The following KCNQ1 variants were observed in gnomAD, a reference collection of about 807,000 sequenced individuals.
KCNQ1 encodes the protein potassium voltage-gated channel subfamily KQT member 1.
KCNQ1 carries 49 observed loss-of-function variants against 72.4 expected under a neutral mutation model. The observed-to-expected ratio is 0.68, with a 90% CI of 0.54 to 0.86. The LOEUF is 0.86. Among genes scored for constraint, KCNQ1 ranks in the 40% least tolerant of loss-of-function variants. The pLI is 0.00. For synonymous variants in KCNQ1, 450 were observed against 412.6 expected (o/e 1.09, Z -1.10); for missense variants, 790 against 945.1 (o/e 0.84, Z 2.15).
chr11:2,517,462 G>A lies in KCNQ1; in HGVS notation c.387-10466G>A, dbSNP rs538519578. Among the ~76,000 whole-genome samples the A allele has an allele frequency of 4.2e-4, 64 of 152,268 alleles. 1 individual carries two copies. The highest frequency in any genetic ancestry group is 1.4e-3 in the African/African-American group (60 of 41,564). ...TGGGGCGCGTTCCCCAGGGCCCCAC[G>A]CGTGTTGAGTCCCCGCTGCGTCACT... On this transcript the variant is annotated intron_variant, in intron 1 of 15. Transcript: ENST00000155840.
rs551986392 is a variant in KCNQ1, at chr11:2,550,610, G to C, written c.478-20018G>C. Among the ~76,000 whole-genome samples the C allele has an allele frequency of 2.7e-4, 41 of 152,322 alleles. No individual in the cohort carries two copies. Among genetic ancestry groups the C allele is most frequent in the African/African-American group, 9.9e-4 (41 of 41,558 alleles). ...ACACGTGAGCTGAGTGACCGGAAGA[G>C]GGGGCGCCTCCCTGAGCAGGTGAAT... On this transcript the variant is annotated intron_variant, in intron 2 of 15. Coordinates refer to ENST00000155840, the MANE Select transcript of KCNQ1 (RefSeq NM_000218.3). The surrounding 1 kb of genome is among the most constrained non-coding windows in gnomAD (Gnocchi z 6.0).
chr11:2,488,485 C>T lies in KCNQ1; in HGVS notation c.387-39443C>T, dbSNP rs182368735. Among the ~76,000 whole-genome samples, 1 of 152,096 alleles carries T rather than the reference C, an allele frequency of 6.6e-6. No individual in the cohort carries two copies. Among genetic ancestry groups the T allele is most frequent in the Non-Finnish European group, 1.5e-5 (1 of 67,996 alleles). On this transcript the variant is annotated intron_variant, in intron 1 of 15. Coordinates refer to ENST00000155840, the MANE Select transcript of KCNQ1 (RefSeq NM_000218.3). This position sits in a 1 kb window ranked among gnomAD's most constrained non-coding sequence, Gnocchi z 5.1. ...CATTGGGGAAGCCATCAGGTCCAGG[C>T]TTTTCTTTGTTGAGAGTTTTTTGAT... is the stretch of plus-strand genomic sequence containing the variant.
intron 10 of KCNQ1, chr11:2,632,142 C>T: frequency 2.6e-6 from 1 of 380,792 alleles, no homozygotes. Flanking sequence ...GAGATCGCGC[C>T]ACTACACTCT....
rs868157344 is a variant in KCNQ1, at chr11:2,544,252, A to G, written c.477+16234A>G. On this transcript the variant is annotated intron_variant, in intron 2 of 15. Transcript: ENST00000155840. This position sits in a 1 kb window ranked among gnomAD's most constrained non-coding sequence, Gnocchi z 4.4. ...TATATATATATGTGTGTGTGTGTAT[A>G]TATATATGTGTGTGTGTGTATATAT... Among the ~76,000 whole-genome samples, 376 of 135,298 alleles carry G rather than the reference A, an allele frequency of 2.8e-3. 3 individuals are homozygous for G. The highest frequency in any genetic ancestry group is 0.016 in the Middle Eastern group (4 of 246). 88.8% of individuals were successfully genotyped at this position (135,298 alleles called of 152,430 possible).
rs1590023090 is a variant in KCNQ1 at position 2,673,682 on chromosome 11, A to T, written c.1514+11601A>T. 3 of 398,592 alleles carry T rather than the reference A, an allele frequency of 7.5e-6. No homozygotes were observed. In the East Asian group the frequency reaches 1.1e-4, roughly 14 times the overall value. 24.7% of individuals were successfully genotyped at this position (398,592 alleles called of 1,614,324 possible). On this transcript the variant is annotated intron_variant, in intron 11 of 15. Coordinates refer to ENST00000155840, the MANE Select transcript of KCNQ1 (RefSeq NM_000218.3). The surrounding 1 kb of genome is among the most constrained non-coding windows in gnomAD (Gnocchi z 4.5). ...TTGTCTGCATAGGTGTTTTCCTATAAATGTTTAATTCCTGAGGTTGCTGAA... is the reference window on the plus strand; with the variant it reads ...TTGTCTGCATAGGTGTTTTCCTATATATGTTTAATTCCTGAGGTTGCTGAA...
chr11:2,506,296 G>A (rs1446029042), intron 1 of KCNQ1, among the ~76,000 whole-genome samples: 6 of 151,960 alleles, frequency 3.9e-5, no homozygotes, highest in Admixed American at 1.3e-4. Context: ...ATCATTTGTC[G>A]AAAAGACTAT....
chr11:2,734,891 A>ACC lies in KCNQ1; in HGVS notation c.1515-33952_1515-33951dup, dbSNP rs1244142707. Reference sequence around the variant, plus strand: ...GGCTTCCCAGGCCCCGGCTGGGACCACCGCAGAGGTGATGTCTCCAGGAGG... The same window carrying ACC: ...GGCTTCCCAGGCCCCGGCTGGGACCACCCCGCAGAGGTGATGTCTCCAGGAGG... On this transcript the variant is annotated intron_variant, in intron 11 of 15. Coordinates refer to ENST00000155840, the MANE Select transcript of KCNQ1 (RefSeq NM_000218.3). The surrounding 1 kb of genome is among the most constrained non-coding windows in gnomAD (Gnocchi z 7.0). Among the ~76,000 whole-genome samples, 4 of 151,814 alleles carry ACC rather than the reference A, an allele frequency of 2.6e-5. No homozygotes were observed. In the East Asian group the frequency reaches 7.8e-4, roughly 30 times the overall value.
intron 11 of KCNQ1, among the ~76,000 whole-genome samples, chr11:2,739,907 C>T (rs1846022719): frequency 6.6e-6 from 1 of 152,218 alleles, no homozygotes; most frequent in Non-Finnish European, 1.5e-5. Flanking sequence ...GAGGCCTCAC[C>T]AGTGGGATCC....
chr11:2,485,221 T>C (rs1337761751), intron 1 of KCNQ1, among the ~76,000 whole-genome samples: 1 of 152,212 alleles, frequency 6.6e-6, no homozygotes, highest in East Asian at 1.9e-4. Flanking sequence ...CCCCCGATTC[T>C]GATTGTTTTT....
intron 5 of KCNQ1, among the ~76,000 whole-genome samples, 180 bp from the exon 6 acceptor site, chr11:2,572,666 C>T (rs555874903): frequency 2.0e-5 from 3 of 152,368 alleles, no homozygotes; most frequent in East Asian, 1.9e-4. Context: ...GTAACCCCCA[C>T]CCGCCACTTA....
At position 2,784,541 on chromosome 11, in the gene KCNQ1, G is replaced by T. The variant is rs542972377; in HGVS notation, c.1794+6504G>T. On this transcript the variant is annotated intron_variant, in intron 15 of 15. Coordinates refer to ENST00000155840, the MANE Select transcript of KCNQ1 (RefSeq NM_000218.3). This position sits in a 1 kb window ranked among gnomAD's most constrained non-coding sequence, Gnocchi z 4.7. The stretch of plus-strand genomic sequence containing the variant: ...CTATGAATTTCCATATAAATTTTAG[G>T]TTCAACCTGTCAATTAAAAAAGAAG... Among the ~76,000 whole-genome samples the T allele has an allele frequency of 6.6e-6, 1 of 151,622 alleles. No individual in the cohort carries two copies. Among genetic ancestry groups the T allele is most frequent in the East Asian group, 1.9e-4 (1 of 5,196 alleles).
chr11:2,811,715 A>C (rs1388802207), intron 15 of KCNQ1, among the ~76,000 whole-genome samples: 1 of 152,192 alleles, frequency 6.6e-6, no homozygotes, highest in East Asian at 1.9e-4. Flanking sequence ...GGAGGAGGTC[A>C]GTGTGGGGGG....
Position 2,481,885 on chromosome 11 carries a change from A to G in KCNQ1, c.386+36401A>G, listed in dbSNP as rs372460508. ...TTATTTAATTCTATATTACAATGTA[A>G]TAATAGTAGAAATAAAGTGCCCAAT... On this transcript the variant is annotated intron_variant, in intron 1 of 15. Coordinates refer to ENST00000155840, the MANE Select transcript of KCNQ1 (RefSeq NM_000218.3). This position sits in a 1 kb window ranked among gnomAD's most constrained non-coding sequence, Gnocchi z 4.6. Among the ~76,000 whole-genome samples the G allele has an allele frequency of 6.6e-6, 1 of 152,210 alleles. No homozygotes were observed. Among genetic ancestry groups the G allele is most frequent in the Non-Finnish European group, 1.5e-5 (1 of 68,038 alleles).
At chr11:2,610,362 G>C (rs927928703) in intron 10 of KCNQ1, 2 of 397,904 alleles carry the variant, frequency 5.0e-6, no homozygotes, top group African/African-American at 4.1e-5. Flanking sequence ...ACTATATAAT[G>C]ATATATCTTT....
At position 2,654,187 on chromosome 11, in the gene KCNQ1, C is replaced by A; in HGVS notation, c.1394-7774C>A. On this transcript the variant is annotated intron_variant, in intron 10 of 15. Coordinates refer to ENST00000155840, the MANE Select transcript of KCNQ1 (RefSeq NM_000218.3). The surrounding 1 kb of genome is among the most constrained non-coding windows in gnomAD (Gnocchi z 6.4). Reference sequence around the variant, plus strand: ...GCAGCTGGCACAGGCTGTGGGGCTGCGGCTCAGCAATGTCACGCAGGGCCT... The same window carrying A: ...GCAGCTGGCACAGGCTGTGGGGCTGAGGCTCAGCAATGTCACGCAGGGCCT... The A allele has an allele frequency of 2.5e-6, 1 of 398,738 alleles. No homozygotes were observed. Among genetic ancestry groups the A allele is most frequent in the Non-Finnish European group, 4.4e-6 (1 of 226,218 alleles). 24.7% of individuals were successfully genotyped at this position (398,738 alleles called of 1,614,324 possible). A position where few individuals can be genotyped will look rare whatever the true frequency, so the allele number is the denominator to read the frequency against.
In KCNQ1 at chr11:2,563,977, C is replaced by T. The variant is rs912946412; in HGVS notation, c.478-6651C>T. ...CTGGAGTGCGGCAGATACTCGGGGC[C>T]GCTGGGTGGCCCTGAAGGCCCACAG... On this transcript the variant is annotated intron_variant, in intron 2 of 15. Coordinates refer to ENST00000155840, the MANE Select transcript of KCNQ1 (RefSeq NM_000218.3). This position sits in a 1 kb window ranked among gnomAD's most constrained non-coding sequence, Gnocchi z 7.4. 3.9e-5 allele frequency among the ~76,000 whole-genome samples: 6 copies of T among 152,194 alleles called. No homozygotes were observed. Among genetic ancestry groups the T allele is most frequent in the Admixed American group, 6.5e-5 (1 of 15,282 alleles).
chr11:2,756,586 G>A (rs1214508879), intron 11 of KCNQ1, among the ~76,000 whole-genome samples: 18 of 152,058 alleles, frequency 1.2e-4, no homozygotes, highest in Non-Finnish European at 1.5e-5. Context: ...TTGGGGTGGA[G>A]CTGTCAGGGT....
chr11:2,717,304 C>T (rs774204333), intron 11 of KCNQ1, among the ~76,000 whole-genome samples: 2 of 152,174 alleles, frequency 1.3e-5, no homozygotes, highest in African/African-American at 2.4e-5. Flanking sequence ...TGAGGGTTAC[C>T]CCAGAGTGAG....
In KCNQ1 at chr11:2,458,411, G is replaced by C. The variant is rs1846226194; in HGVS notation, c.386+12927G>C. On this transcript the variant is annotated intron_variant, in intron 1 of 15. Coordinates refer to ENST00000155840, the MANE Select transcript of KCNQ1 (RefSeq NM_000218.3). The surrounding 1 kb of genome is among the most constrained non-coding windows in gnomAD (Gnocchi z 4.6). ...CATGTGTCCCAGTCGTGATTAACCT[G>C]TGAACTGTAACTCGGGGAAACCCAG... is the stretch of plus-strand genomic sequence containing the variant. Among the ~76,000 whole-genome samples the C allele has an allele frequency of 6.6e-6, 1 of 152,236 alleles. No homozygotes were observed. Among genetic ancestry groups the C allele is most frequent in the African/African-American group, 2.4e-5 (1 of 41,456 alleles).
Sources: gnomAD v4.1 joint callset for allele counts (sites outside exome capture counted in the v4.1 genomes callset) on GRCh38, gnomAD v4.1.1 for gene constraint, Gnocchi (gnomAD v3.1) non-coding constraint, MANE v1.5 for transcripts, NCBI Gene and HGNC (gene_info 2026-07-23, HGNC 2026-07-21) for gene names.